Variants in SETD5 observed in about 807,000 individuals in gnomAD.
The protein encoded by SETD5 is histone-lysine N-methyltransferase SETD5.
In SETD5, 44 loss-of-function variants were observed where a neutral mutation model predicts 153.3. The ratio of observed to expected loss-of-function variants is 0.29; its 90% confidence interval spans 0.23 to 0.37. SETD5 has a LOEUF of 0.37. Among genes scored for constraint, SETD5 ranks in the 10% least tolerant of loss-of-function variants. The probability of loss-of-function intolerance (pLI) is 1.00; values close to 1 mark genes in which losing one functional copy is unlikely to be tolerated. For missense variants in SETD5, 1,544 were observed against 1,768.0 expected, an observed-to-expected ratio of 0.87 and a Z score of 2.27; for synonymous variants, 716 against 645.2, an observed-to-expected ratio of 1.11 and a Z score of -1.66.
chr3:9,466,301 A>G (rs951433285), intron 18 of SETD5, among the ~76,000 whole-genome samples: 4 of 151,658 alleles, frequency 2.6e-5, no homozygotes, highest in African/African-American at 2.4e-5. Context: ...AAAAAAAAAA[A>G]AAAAAAAAGA....
chr3:9,429,170 A>G (rs971782636), intron 3 of SETD5, 161 bp downstream of exon 3: 5 of 403,432 alleles, frequency 1.2e-5, no homozygotes, highest in Non-Finnish European at 2.2e-5. Context: ...AAGGTGGTGG[A>G]AAAAAGGAAT....
intron 3 of SETD5, among the ~76,000 whole-genome samples, chr3:9,432,921 G>A (rs569314000): frequency 2.0e-4 from 30 of 152,274 alleles, no homozygotes; most frequent in African/African-American, 7.0e-4. Flanking sequence ...TCTCATTTCT[G>A]TAGTGGAAAG....
intron 1 of SETD5, among the ~76,000 whole-genome samples, chr3:9,412,905 C>T (rs1040742718): frequency 6.6e-6 from 1 of 151,116 alleles, no homozygotes; most frequent in African/African-American, 2.4e-5. Context: ...TACTTTCATA[C>T]TTTATTTGAA....
chr3:9,457,508 A>G (rs934807517), intron 17 of SETD5, among the ~76,000 whole-genome samples: 1 of 150,272 alleles, frequency 6.7e-6, no homozygotes, highest in Non-Finnish European at 1.5e-5. Context: ...ATATATACTA[A>G]TAATAATAAT....
At chr3:9,437,681 A>G (rs754643473) in intron 7 of SETD5, among the ~76,000 whole-genome samples, 4 of 152,220 alleles carry the variant, frequency 2.6e-5, no homozygotes, top group South Asian at 2.1e-4. Context: ...GATCTTTCCT[A>G]TTGAGAGTTA....
intron 22 of SETD5, 86 bp from the exon 23 acceptor site, chr3:9,475,397 A>G: frequency 2.0e-6 from 3 of 1,511,800 alleles, no homozygotes; most frequent in Non-Finnish European, 2.7e-6. Context: ...AGATGAAGAA[A>G]AAAGAATGTA....
At chr3:9,459,341 A>T (rs1462177050) in intron 17 of SETD5, among the ~76,000 whole-genome samples, 1 of 152,210 alleles carries the variant, frequency 6.6e-6, no homozygotes, top group African/African-American at 2.4e-5. Flanking sequence ...CTTGTAATGG[A>T]GTATCATATA....
intron 1 of SETD5, among the ~76,000 whole-genome samples, chr3:9,414,857 G>C (rs2037174836): frequency 6.6e-6 from 1 of 151,136 alleles, no homozygotes; most frequent in South Asian, 2.1e-4. Flanking sequence ...ACTGAGTATT[G>C]GAAAAGGAAA....
rs368766569 is a variant in SETD5, at chr3:9,475,477, G to T, written c.3721-6G>T. 4.4e-6 allele frequency: 7 copies of T among 1,602,104 alleles called. No homozygotes were observed. In the African/African-American group the frequency reaches 6.7e-5, roughly 15 times the overall value. On this transcript the variant is annotated splice_region_variant and splice_polypyrimidine_tract_variant and intron_variant, in intron 22 of 22. Transcript: ENST00000402198. The stretch of plus-strand genomic sequence containing the variant: ...TCCTTATTCGTTTCCTCCCAACTTT[G>T]TCTAGCTCCTGCAGTGTGATAGTCC...
chr3:9,466,089 C>T (rs566744362), intron 18 of SETD5, among the ~76,000 whole-genome samples: 3 of 151,990 alleles, frequency 2.0e-5, no homozygotes, highest in African/African-American at 7.2e-5. Context: ...TAGATCAAGA[C>T]CATCCTGGCT....
chr3:9,435,243 CAAAAA>C (rs5846637), intron 6 of SETD5, among the ~76,000 whole-genome samples: 11 of 80,170 alleles, frequency 1.4e-4, no homozygotes, highest in African/African-American at 4.0e-4. Context: ...AACTCCCTCT[CAAAAA>C]AAAAAAAAAA....
intron 1 of SETD5, among the ~76,000 whole-genome samples, chr3:9,414,953 A>G (rs775481898): frequency 1.2e-4 from 19 of 152,216 alleles, no homozygotes; most frequent in Non-Finnish European, 1.6e-4. Flanking sequence ...TTTTAATGAA[A>G]AGGAAAATAG....
chr3:9,427,603 T>C (rs62246308), intron 2 of SETD5, among the ~76,000 whole-genome samples: 17,750 of 152,270 alleles, frequency 0.12, 1,405 homozygotes, highest in Non-Finnish European at 0.18. Flanking sequence ...GTCGGTATCA[T>C]GTACTTTTCA....
Position 9,470,537 on chromosome 3 carries a change from T to A in SETD5, c.2803T>A (p.Ser935Thr). The A allele has an allele frequency of 6.2e-7, 1 of 1,614,000 alleles. No individual in the cohort carries two copies. Among genetic ancestry groups the A allele is most frequent in the African/African-American group, 1.3e-5 (1 of 75,044 alleles). The change falls in exon 19 of 23, where the codon TCC becomes ACC. Residue 935 changes from serine (S) to threonine (T), a missense_variant. By Grantham distance (58) the Ser-to-Thr change is moderately conservative. Transcript: ENST00000402198. ...CACTAACAGCTGTGCTGATAGACCTTCCCTACTCAACTCAGGTCATTCTGA... is the reference window on the plus strand; with the variant it reads ...CACTAACAGCTGTGCTGATAGACCTACCCTACTCAACTCAGGTCATTCTGA... Reference protein sequence around the residue: ...SNTNSCADRPSLLNSGHSDLA... With the variant: ...SNTNSCADRPTLLNSGHSDLA...
intron 11 of SETD5, among the ~76,000 whole-genome samples, chr3:9,444,752 G>C (rs757593354): frequency 1.3e-5 from 2 of 151,670 alleles, no homozygotes; most frequent in Non-Finnish European, 2.9e-5. Context: ...TTAGCTGGGC[G>C]TGTAGTCCCA....
At chr3:9,429,909 G>T in intron 3 of SETD5, 2 of 1,303,706 alleles carry the variant, frequency 1.5e-6, no homozygotes, top group Non-Finnish European at 2.0e-6. Flanking sequence ...GACCCAAGGG[G>T]CCTAGGGGGC....
chr3:9,439,453 C>G (rs912005255), intron 7 of SETD5, among the ~76,000 whole-genome samples: 1 of 152,158 alleles, frequency 6.6e-6, no homozygotes, highest in Non-Finnish European at 1.5e-5. Context: ...TTTTATTGTA[C>G]CTGTTTGCAA....
chr3:9,474,530 A>G lies in SETD5; in HGVS notation c.3579A>G (p.Gln1193=), dbSNP rs760335715. The G allele has an allele frequency of 3.7e-6, 6 of 1,613,918 alleles. No individual in the cohort carries two copies. In the South Asian group the frequency reaches 5.5e-5, roughly 15 times the overall value. The change falls in exon 21 of 23, where the codon CAA becomes CAG. Residue 1193 remains glutamine (Q), a synonymous_variant. Coordinates refer to ENST00000402198, the MANE Select transcript of SETD5 (RefSeq NM_001080517.3). ...TCCGAAGCAGCGTGAGGGTGGCCCA[A>G]AAGGGAGAGCCCTCTCCCACATGGG... ...KVLRSSVRVA[Q]KGEPSPTWES... is the part of the protein sequence containing the mutation.
At chr3:9,402,205 T>TG (rs1199216145) in intron 1 of SETD5, among the ~76,000 whole-genome samples, 5 of 152,280 alleles carry the variant, frequency 3.3e-5, no homozygotes, top group Middle Eastern at 6.8e-3. Flanking sequence ...CCAGTAACTT[T>TG]GGGGGGAGGT....
Sources: allele counts gnomAD v4.1 joint callset (sites outside exome capture counted in the v4.1 genomes callset), GRCh38; gene constraint gnomAD v4.1.1; transcripts MANE v1.5; gene names NCBI Gene and HGNC (gene_info 2026-07-23, HGNC 2026-07-21).